The following BMP2K variants were observed in gnomAD, a reference collection of about 807,000 sequenced individuals.
BMP2K encodes the protein BMP-2-inducible protein kinase.
In BMP2K, 74 loss-of-function variants were observed where a neutral mutation model predicts 116.0. That is an observed-to-expected ratio of 0.64 (90% CI 0.53 to 0.77). The LOEUF is 0.77. Ranked by LOEUF, BMP2K falls within the 30% of genes least tolerant of loss-of-function variation. BMP2K has a pLI of 0.00. For synonymous variants in BMP2K, 486 were observed against 502.5 expected (o/e 0.97, Z 0.44); for missense variants, 1,365 against 1,403.6 (o/e 0.97, Z 0.44).
intron 1 of BMP2K, among the ~76,000 whole-genome samples, chr4:78,807,491 G>T (rs62310805): frequency 1.3e-5 from 2 of 151,798 alleles, no homozygotes; most frequent in African/African-American, 4.8e-5. Context: ...TTGAGGATTG[G>T]TGTTAATTCA....
chr4:78,799,501 G>T (rs1335426086), intron 1 of BMP2K, among the ~76,000 whole-genome samples: 2 of 152,174 alleles, frequency 1.3e-5, no homozygotes, highest in African/African-American at 4.8e-5. Flanking sequence ...ATATTAGAAA[G>T]TGAAAGTGTA....
chr4:78,846,324 A>G (rs1036687896), intron 5 of BMP2K, among the ~76,000 whole-genome samples: 1 of 151,528 alleles, frequency 6.6e-6, no homozygotes, highest in African/African-American at 2.4e-5. Flanking sequence ...GGTGAACTTT[A>G]TATTTCTGGC....
chr4:78,901,173 A>AG (rs1560554227), intron 15 of BMP2K, among the ~76,000 whole-genome samples: 1 of 152,020 alleles, frequency 6.6e-6, no homozygotes, highest in African/African-American at 2.4e-5. Flanking sequence ...CCTCCCAAGT[A>AG]GCTGGGACTA....
chr4:78,872,089 A>G lies in BMP2K; in HGVS notation c.1608+141A>G, dbSNP rs1167602077. The G allele has an allele frequency of 3.8e-5, 25 of 654,498 alleles. No individual in the cohort carries two copies. The East Asian group carries it at 5.3e-4, about 14-fold the overall frequency. 40.5% of individuals were successfully genotyped at this position (654,498 alleles called of 1,614,324 possible). The stretch of plus-strand genomic sequence containing the variant: ...TGTATTTTATCAAAGCCAGTCATAT[A>G]TTCTCAAGCAGCTTTAAATTGCACT... On this transcript the variant is annotated intron_variant, in intron 12 of 15. Transcript: ENST00000502613.
rs757210070 is a variant in BMP2K, at chr4:78,911,268, G to C, written c.2721G>C (p.Val907=). The C allele has an allele frequency of 6.2e-6, 10 of 1,613,986 alleles. No individual in the cohort carries two copies. The South Asian group carries it at 8.8e-5, about 14-fold the overall frequency. Residue 907 remains valine (V), a synonymous_variant, in exon 16 of 16, where the codon GTG becomes GTC. Coordinates refer to ENST00000502613, the MANE Select transcript of BMP2K (RefSeq NM_198892.2). The part of the protein sequence containing the change: ...VFTKAPFSKK[V]NVQECHAVGP... ...CAAAGGCGCCTTTTAGCAAGAAGGT[G>C]AATGTACAAGAATGCCATGCAGTGG...
At chr4:78,821,129 C>G (rs1307182517) in intron 1 of BMP2K, among the ~76,000 whole-genome samples, 1 of 152,160 alleles carries the variant, frequency 6.6e-6, no homozygotes, top group Non-Finnish European at 1.5e-5. Flanking sequence ...AGCACCTCTT[C>G]AAAGTTCTTT....
intron 14 of BMP2K, among the ~76,000 whole-genome samples, chr4:78,881,814 CA>C (rs1320478390): frequency 1.3e-5 from 2 of 151,850 alleles, no homozygotes; most frequent in African/African-American, 4.8e-5. Context: ...TCAGTGACTC[CA>C]AAATTTTGCC....
intron 15 of BMP2K, among the ~76,000 whole-genome samples, chr4:78,900,597 G>T (rs999278040): frequency 2.0e-5 from 3 of 152,204 alleles, no homozygotes; most frequent in African/African-American, 7.2e-5. Context: ...GTCTGGTTCA[G>T]TCAGCTGGCC....
intron 14 of BMP2K, among the ~76,000 whole-genome samples, chr4:78,881,671 A>C (rs895613173): frequency 6.6e-6 from 1 of 152,108 alleles, no homozygotes. Context: ...ATTGATGGGC[A>C]AAAGACCTCT....
At position 78,865,653 on chromosome 4, in the gene BMP2K, C is replaced by A; in HGVS notation, c.1164C>A (p.Thr388=). 1 of 1,614,062 alleles carries A rather than the reference C, an allele frequency of 6.2e-7. No individual in the cohort carries two copies. Among genetic ancestry groups the A allele is most frequent in the Non-Finnish European group, 8.5e-7 (1 of 1,179,988 alleles). ...SATTATPSVL[T]IQSSATPVKV... is the part of the protein sequence containing the mutation. ...CTACTGCCACTCCCAGTGTGCTGACCATTCAAAGTTCAGCAACACCTGTTA... is the reference window on the plus strand; with the variant it reads ...CTACTGCCACTCCCAGTGTGCTGACAATTCAAAGTTCAGCAACACCTGTTA... Residue 388 remains threonine, a synonymous_variant, in exon 10 of 16, where the codon ACC becomes ACA. Coordinates refer to ENST00000502613, the MANE Select transcript of BMP2K (RefSeq NM_198892.2).
At chr4:78,812,381 C>T (rs1729134867) in intron 1 of BMP2K, among the ~76,000 whole-genome samples, 1 of 152,116 alleles carries the variant, frequency 6.6e-6, no homozygotes, top group Non-Finnish European at 1.5e-5. Flanking sequence ...TGCCCAAATA[C>T]ATATCTCTTG....
rs757464000 is a variant in BMP2K at position 78,842,445 on chromosome 4, T to G, written c.464T>G (p.Val155Gly). The G allele has an allele frequency of 6.2e-7, 1 of 1,608,826 alleles. No individual in the cohort carries two copies. Among genetic ancestry groups the G allele is most frequent in the South Asian group, 1.1e-5 (1 of 90,516 alleles). The change falls in exon 4 of 16, where the codon GTG (valine) becomes GGG (glycine). Residue 155 changes from valine to glycine, a missense_variant. Around this residue, in one of 3 missense-constraint regions of BMP2K, gnomAD observed 762 missense variants for 756.7 expected, o/e 1.01. Transcript: ENST00000502613. The stretch of plus-strand genomic sequence containing the variant: ...CAGACGGGTTTTACAGAACCAGAAG[T>G]GTTACAGATATTCTGTGATACCTGT... ...KLQTGFTEPE[V>G]LQIFCDTCEA...
At chr4:78,875,105 C>T (rs979125962) in intron 13 of BMP2K, among the ~76,000 whole-genome samples, 5 of 152,174 alleles carry the variant, frequency 3.3e-5, no homozygotes, top group African/African-American at 1.2e-4. Context: ...GAACATTGCT[C>T]CAGCCACACT....
At chr4:78,841,503 A>G (rs1279111641) in intron 3 of BMP2K, among the ~76,000 whole-genome samples, 2 of 152,132 alleles carry the variant, frequency 1.3e-5, no homozygotes, top group African/African-American at 4.8e-5. Context: ...TTGGTCCATT[A>G]TCTGTTATCT....
chr4:78,833,186 A>G (rs1395606999), intron 2 of BMP2K, among the ~76,000 whole-genome samples: 2 of 152,096 alleles, frequency 1.3e-5, no homozygotes, highest in African/African-American at 4.8e-5. Flanking sequence ...AAATTGCAAT[A>G]TGTTGCAGGC....
chr4:78,898,572 C>T (rs1733831287), intron 15 of BMP2K, among the ~76,000 whole-genome samples: 1 of 149,820 alleles, frequency 6.7e-6, no homozygotes, highest in Non-Finnish European at 1.5e-5. Flanking sequence ...ACTGGAAAGA[C>T]TGTAATCTTT....
At chr4:78,852,702 C>T (rs1334227908) in intron 7 of BMP2K, among the ~76,000 whole-genome samples, 1 of 152,112 alleles carries the variant, frequency 6.6e-6, no homozygotes, top group African/African-American at 2.4e-5. Flanking sequence ...AACTCCTGGC[C>T]TCAAGTGATC....
intron 13 of BMP2K, among the ~76,000 whole-genome samples, chr4:78,873,129 AT>A (rs964203893): frequency 2.0e-5 from 3 of 152,204 alleles, no homozygotes; most frequent in African/African-American, 7.2e-5. Flanking sequence ...TTAAAAAAAA[AT>A]CCTTGTAGAC....
chr4:78,856,399 G>A (rs1047285438), intron 7 of BMP2K, among the ~76,000 whole-genome samples: 36 of 151,936 alleles, frequency 2.4e-4, no homozygotes, highest in African/African-American at 6.5e-4. Flanking sequence ...ATACCTCTGC[G>A]CACTCTAGAT....
Sources: gnomAD v4.1 joint callset for allele counts (sites outside exome capture counted in the v4.1 genomes callset) on GRCh38, gnomAD v4.1.1 for gene constraint, gnomAD v4.1.1 regional missense constraint, MANE v1.5 for transcripts, NCBI Gene and HGNC (gene_info 2026-07-23, HGNC 2026-07-21) for gene names.